The following TNFRSF10D variants were observed in gnomAD, a reference collection of about 807,000 sequenced individuals.
TNFRSF10D encodes the protein tumor necrosis factor receptor superfamily member 10D.
A neutral mutation model predicts 42.1 loss-of-function variants in TNFRSF10D; 28 were observed. That is an observed-to-expected ratio of 0.66 (90% CI 0.49 to 0.91). The LOEUF (loss-of-function observed/expected upper bound fraction) is 0.91. TNFRSF10D is among the 40% of genes least tolerant of loss of function. TNFRSF10D has a pLI of 0.00. For synonymous variants in TNFRSF10D, 186 were observed against 189.4 expected (o/e 0.98, Z 0.15); for missense variants, 503 against 486.1 (o/e 1.03, Z -0.33).
At chr8:23,154,272 G>A (rs951128648) in intron 2 of TNFRSF10D, among the ~76,000 whole-genome samples, 3 of 152,192 alleles carry the variant, frequency 2.0e-5, no homozygotes, top group Non-Finnish European at 4.4e-5. Context: ...TAGACAGGGG[G>A]AAATAAATTC....
Position 23,163,889 on chromosome 8 carries a change from G to A in TNFRSF10D, c.47C>T (p.Ala16Val). The A allele has an allele frequency of 1.3e-6, 2 of 1,594,610 alleles. No individual in the cohort carries two copies. Among genetic ancestry groups the A allele is most frequent in the Non-Finnish European group, 1.7e-6 (2 of 1,172,578 alleles). Reference protein sequence around the residue: ...QSVPTASSARAGRYPGARTAS... With the variant: ...QSVPTASSARVGRYPGARTAS... ...TGTCCTGGCTCCTGGATAGCGCCCTGCTCGAGCGCTCGAGGCGGTCGGGAC... is the reference window on the plus strand; with the variant it reads ...TGTCCTGGCTCCTGGATAGCGCCCTACTCGAGCGCTCGAGGCGGTCGGGAC... Residue 16 changes from alanine to valine, a missense_variant, in exon 1 of 9, where the codon GCA (alanine) becomes GTA (valine). Coordinates refer to ENST00000312584, the MANE Select transcript of TNFRSF10D (RefSeq NM_003840.5).
intron 1 of TNFRSF10D, among the ~76,000 whole-genome samples, chr8:23,156,605 T>A (rs1181065455): frequency 6.6e-6 from 1 of 151,486 alleles, no homozygotes; most frequent in Non-Finnish European, 1.5e-5. Flanking sequence ...CCCTCTGTCA[T>A]CCAGGTTGGA....
intron 1 of TNFRSF10D, among the ~76,000 whole-genome samples, chr8:23,161,944 A>G (rs929848277): frequency 3.9e-5 from 6 of 152,228 alleles, no homozygotes; most frequent in African/African-American, 1.4e-4. Context: ...CACGATACAT[A>G]CAAGGGTATT....
intron 5 of TNFRSF10D, 99 bp downstream of exon 5, chr8:23,145,569 T>C: frequency 3.8e-6 from 6 of 1,572,000 alleles, no homozygotes; most frequent in Non-Finnish European, 5.2e-6. Flanking sequence ...TGGAGACGCT[T>C]GGACCAGGGG....
At chr8:23,141,917 A>C (rs1316137826) in intron 7 of TNFRSF10D, among the ~76,000 whole-genome samples, 1 of 152,202 alleles carries the variant, frequency 6.6e-6, no homozygotes, top group Non-Finnish European at 1.5e-5. Context: ...GAGATTTCTC[A>C]AAGAATTTTA....
chr8:23,158,672 T>C (rs1344292142), intron 1 of TNFRSF10D, among the ~76,000 whole-genome samples: 2 of 152,254 alleles, frequency 1.3e-5, no homozygotes, highest in Admixed American at 6.5e-5. Flanking sequence ...AATTACCTTT[T>C]AGAATTCCAC....
chr8:23,147,705 T>A (rs1426106675), intron 3 of TNFRSF10D, among the ~76,000 whole-genome samples: 1 of 152,040 alleles, frequency 6.6e-6, no homozygotes, highest in Non-Finnish European at 1.5e-5. Context: ...GGCAAGCGGA[T>A]CACCTGAGGT....
rs185846977 is a variant in TNFRSF10D at position 23,145,519 on chromosome 8, T to C, written c.736+149A>G. On this transcript the variant is annotated intron_variant, in intron 5 of 8. Transcript: ENST00000312584. ...AGGGTCCTTGGGGATACACAGGACG[T>C]GGGGATGGGGCGATCACAAGAAGGA... The C allele has an allele frequency of 1.7e-5, 20 of 1,207,218 alleles. No homozygotes were observed. In the African/African-American group the frequency reaches 3.0e-4, roughly 18 times the overall value. The allele number at this position is 1,207,218 out of a possible 1,614,324, so 74.8% of individuals were successfully genotyped here.
At chr8:23,159,091 C>CTG (rs111843988) in intron 1 of TNFRSF10D, among the ~76,000 whole-genome samples, 274 of 151,128 alleles carry the variant, frequency 1.8e-3, no homozygotes, top group Admixed American at 3.9e-3. Context: ...ACATGATTTT[C>CTG]TGTGTGTGTG....
intron 7 of TNFRSF10D, among the ~76,000 whole-genome samples, chr8:23,142,368 T>G (rs1225919868): frequency 2.0e-5 from 3 of 152,098 alleles, no homozygotes; most frequent in East Asian, 1.9e-4. Flanking sequence ...AACAGTGGAT[T>G]GGATGAAGAC....
intron 1 of TNFRSF10D, among the ~76,000 whole-genome samples, chr8:23,159,872 G>C (rs1800339626): frequency 6.6e-6 from 1 of 151,304 alleles, no homozygotes; most frequent in Admixed American, 6.6e-5. Flanking sequence ...CAAGAAAAAA[G>C]AAGTCGTACG....
intron 1 of TNFRSF10D, among the ~76,000 whole-genome samples, chr8:23,158,439 G>A (rs1267068688): frequency 6.6e-6 from 1 of 152,162 alleles, no homozygotes; most frequent in East Asian, 1.9e-4. Context: ...TCCACAGACA[G>A]CATCTGTGTC....
chr8:23,163,345 C>T (rs1201394558), intron 1 of TNFRSF10D, among the ~76,000 whole-genome samples: 1 of 152,122 alleles, frequency 6.6e-6, no homozygotes, highest in Non-Finnish European at 1.5e-5. Context: ...TCAGGTGATC[C>T]GCCCGCCTCG....
intron 1 of TNFRSF10D, among the ~76,000 whole-genome samples, chr8:23,156,693 G>A (rs1406468429): frequency 1.3e-5 from 2 of 151,890 alleles, no homozygotes; most frequent in Non-Finnish European, 2.9e-5. Context: ...GTCCCTAAGT[G>A]GCCGGGACCA....
intron 1 of TNFRSF10D, among the ~76,000 whole-genome samples, chr8:23,159,207 G>C (rs532099452): frequency 5.8e-3 from 882 of 151,960 alleles, no homozygotes; most frequent in African/African-American, 0.018. Flanking sequence ...CTCTAAGGAT[G>C]CACCCACCTG....
chr8:23,136,032 C>G lies in TNFRSF10D; in HGVS notation c.*1838G>C. 1 of 408,684 alleles carries G rather than the reference C, an allele frequency of 2.4e-6. No homozygotes were observed. The highest frequency in any genetic ancestry group is 4.9e-6 in the Non-Finnish European group (1 of 205,642). The allele number at this position is 408,684 out of a possible 1,614,324, so 25.3% of individuals were successfully genotyped here. Reference sequence around the variant, plus strand: ...ATCCCCTCCTAAAACTCCATGGACACAACAATCTGAATGTGCGAACTTCAG... The same window carrying G: ...ATCCCCTCCTAAAACTCCATGGACAGAACAATCTGAATGTGCGAACTTCAG... On this transcript the variant is annotated 3_prime_UTR_variant, in exon 9 of 9. Coordinates refer to ENST00000312584, the MANE Select transcript of TNFRSF10D (RefSeq NM_003840.5).
chr8:23,152,341 G>C (rs1275821269), intron 2 of TNFRSF10D, among the ~76,000 whole-genome samples: 1 of 152,184 alleles, frequency 6.6e-6, no homozygotes, highest in Non-Finnish European at 1.5e-5. Context: ...GACAGAGAGA[G>C]AGGACCCGTG....
At chr8:23,158,283 C>CG (rs1800308380) in intron 1 of TNFRSF10D, among the ~76,000 whole-genome samples, 1 of 152,180 alleles carries the variant, frequency 6.6e-6, no homozygotes, top group Non-Finnish European at 1.5e-5. Flanking sequence ...GTGCTGTGGA[C>CG]CCATACGGAT....
rs368001353 is a variant in TNFRSF10D, at chr8:23,145,073, G to A, written c.753C>T (p.Pro251=). 25 of 1,613,978 alleles carry A rather than the reference G, an allele frequency of 1.5e-5. No homozygotes were observed. The highest frequency in any genetic ancestry group is 1.6e-4 in the Middle Eastern group (1 of 6,084). The change falls in exon 6 of 9, where the codon CCC becomes CCT. Residue 251 remains proline, a synonymous_variant. Coordinates refer to ENST00000312584, the MANE Select transcript of TNFRSF10D (RefSeq NM_003840.5). ...KGICSGGGGG[P]ERVHRVLFRR... ...ACCAACTCACTCTGTGCACACGTTC[G>A]GGACCTCCTCCACCACCTGGAAAAG...
Sources: gnomAD v4.1 joint callset for allele counts (sites outside exome capture counted in the v4.1 genomes callset) on GRCh38, gnomAD v4.1.1 for gene constraint, MANE v1.5 for transcripts, NCBI Gene and HGNC (gene_info 2026-07-23, HGNC 2026-07-21) for gene names.